GABRA1: variants seen among roughly 807,000 people sequenced by gnomAD.
GABRA1 encodes gamma-aminobutyric acid type A receptor subunit alpha1, also known as gamma-aminobutyric acid receptor subunit alpha-1.
In GABRA1, 9 loss-of-function variants were observed where a neutral mutation model predicts 48.9. That is an observed-to-expected ratio of 0.18 (90% confidence interval 0.11 to 0.32). The LOEUF is 0.32. Among genes scored for constraint, GABRA1 ranks in the 10% least tolerant of loss-of-function variants. The probability of loss-of-function intolerance (pLI) is 1.00; values close to 1 mark genes in which losing one functional copy is unlikely to be tolerated. For synonymous variants in GABRA1, 210 were observed against 198.7 expected, an observed-to-expected ratio of 1.06 and a Z score of -0.48; for missense variants, 285 against 553.8, an observed-to-expected ratio of 0.51 and a Z score of 4.87.
rs1358048401 is a variant in GABRA1, at chr5:161,897,242, T to C, written c.1191T>C (p.Pro397=). The stretch of plus-strand genomic sequence containing the variant: ...TTGCTAAAAGTGCAACCATAGAACC[T>C]AAAGAGGTCAAGCCCGAAACAAAAC... ...ATIAKSATIE[P]KEVKPETKPP... Residue 397 remains proline (P), a synonymous_variant, in exon 10 of 10, where the codon CCT becomes CCC. Coordinates refer to ENST00000393943, the MANE Select transcript of GABRA1 (RefSeq NM_001127644.2). 1 of 1,613,920 alleles carries C rather than the reference T, an allele frequency of 6.2e-7. No individual in the cohort carries two copies. The highest frequency in any genetic ancestry group is 8.5e-7 in the Non-Finnish European group (1 of 1,179,976).
rs1317673148 is a variant in GABRA1 at position 161,898,739 on chromosome 5, G to T, written c.*1317G>T. Reference sequence around the variant, plus strand: ...CTATTATAATATAGAAAGAAAATGGGAAGCATTAGTTGGAGCTAGAAAATG... The same window carrying T: ...CTATTATAATATAGAAAGAAAATGGTAAGCATTAGTTGGAGCTAGAAAATG... On this transcript the variant is annotated 3_prime_UTR_variant, in exon 10 of 10. Coordinates refer to ENST00000393943, the MANE Select transcript of GABRA1 (RefSeq NM_001127644.2). The T allele has an allele frequency of 1.3e-5, 2 of 152,516 alleles. 1 individual carries two copies. Among genetic ancestry groups the T allele is most frequent in the Non-Finnish European group, 2.9e-5 (2 of 67,976 alleles). 9.4% of individuals were successfully genotyped at this position (152,516 alleles called of 1,614,324 possible).
chr5:161,879,203 G>A (rs2113401807), intron 6 of GABRA1, among the ~76,000 whole-genome samples: 1 of 152,246 alleles, frequency 6.6e-6, no homozygotes, highest in African/African-American at 2.4e-5. Flanking sequence ...CAACCTTTTG[G>A]GCTCAAGTGG....
intron 3 of GABRA1, among the ~76,000 whole-genome samples, chr5:161,859,621 T>C (rs1406395360): frequency 6.6e-6 from 1 of 151,810 alleles, no homozygotes; most frequent in Non-Finnish European, 1.5e-5. Flanking sequence ...CCCGGGATGA[T>C]AAAATGCCTG....
chr5:161,858,681 A>G (rs200797248), intron 3 of GABRA1, among the ~76,000 whole-genome samples: 1 of 151,784 alleles, frequency 6.6e-6, no homozygotes, highest in East Asian at 1.9e-4. Flanking sequence ...AAAACAAATT[A>G]GGGCAGATAC....
At chr5:161,869,731 G>C (rs182900608) in intron 4 of GABRA1, among the ~76,000 whole-genome samples, 242 of 152,252 alleles carry the variant, frequency 1.6e-3, no homozygotes, top group Non-Finnish European at 2.6e-3. Flanking sequence ...ACATTCTCCA[G>C]GGACCTACAC....
chr5:161,856,728 CAT>C (rs1172209311), intron 3 of GABRA1, among the ~76,000 whole-genome samples: 10 of 150,868 alleles, frequency 6.6e-5, no homozygotes, highest in Non-Finnish European at 1.3e-4. Context: ...TAAAATGGCA[CAT>C]GTTTATTACT....
chr5:161,885,142 A>T (rs972060603), intron 7 of GABRA1, among the ~76,000 whole-genome samples: 1 of 152,182 alleles, frequency 6.6e-6, no homozygotes, highest in Non-Finnish European at 1.5e-5. Context: ...AAGAAGAACA[A>T]TGAGCAAATT....
chr5:161,848,325 C>T lies in GABRA1; in HGVS notation c.-113C>T, dbSNP rs1267898463. On this transcript the variant is annotated 5_prime_UTR_variant, in exon 1 of 10. Transcript: ENST00000393943. ...CCCTCTGCTCTGGCGCGCCCGGACT[C>T]GGACTCGCAGACTCGCGCTGGCTCC... is the stretch of plus-strand genomic sequence containing the variant. 1.3e-5 allele frequency: 2 copies of T among 152,536 alleles called. No individual in the cohort carries two copies. The highest frequency in any genetic ancestry group is 2.9e-5 in the Non-Finnish European group (2 of 68,418). The allele number at this position is 152,536 out of a possible 1,614,324, so 9.4% of individuals were successfully genotyped here. A position where few individuals can be genotyped will look rare whatever the true frequency, so the allele number is the denominator to read the frequency against.
At chr5:161,869,488 C>A (rs904140354) in intron 4 of GABRA1, among the ~76,000 whole-genome samples, 2 of 152,164 alleles carry the variant, frequency 1.3e-5, no homozygotes, top group Admixed American at 1.3e-4. Flanking sequence ...AATTCTCTAA[C>A]TTTATTTTAA....
chr5:161,848,765 T>C (rs918355890), intron 1 of GABRA1: 19 of 302,734 alleles, frequency 6.3e-5, no homozygotes, highest in African/African-American at 3.5e-4. Flanking sequence ...GCATGTTGTT[T>C]TGGTCTTTTA....
intron 4 of GABRA1, 48 bp downstream of exon 4, chr5:161,865,836 T>C: frequency 1.3e-6 from 2 of 1,522,490 alleles, no homozygotes; most frequent in Non-Finnish European, 1.8e-6. Flanking sequence ...TTTTAAAATT[T>C]AACTTTTCAA....
chr5:161,855,488 C>A (rs1024807823), intron 3 of GABRA1, among the ~76,000 whole-genome samples: 3 of 151,420 alleles, frequency 2.0e-5, no homozygotes, highest in Non-Finnish European at 4.4e-5. Flanking sequence ...ACATACTATA[C>A]AAATTTCCCC....
intron 8 of GABRA1, among the ~76,000 whole-genome samples, chr5:161,892,695 A>G (rs967485946): frequency 6.6e-6 from 1 of 151,290 alleles, no homozygotes; most frequent in East Asian, 1.9e-4. Context: ...ACAAACAAAC[A>G]AACAAAAACA....
chr5:161,863,141 AAT>A lies in GABRA1; in HGVS notation c.188-2574_188-2573del, dbSNP rs971737577. Among the ~76,000 whole-genome samples, 6 of 152,014 alleles carry A rather than the reference AAT, an allele frequency of 3.9e-5. No homozygotes were observed. In the East Asian group the frequency reaches 9.7e-4, roughly 25 times the overall value. On this transcript the variant is annotated intron_variant, in intron 3 of 9. Transcript: ENST00000393943. Reference sequence around the variant, plus strand: ...CTGTTGTCTGGGAGTTAGGGGATGTAATATATAGTATTTGTGTATATATATAT... The same window carrying A: ...CTGTTGTCTGGGAGTTAGGGGATGTAATATAGTATTTGTGTATATATATAT...
chr5:161,869,069 G>A (rs956725490), intron 4 of GABRA1, among the ~76,000 whole-genome samples: 1 of 152,124 alleles, frequency 6.6e-6, no homozygotes, highest in Non-Finnish European at 1.5e-5. Flanking sequence ...TGCTTTAGAA[G>A]ATTAATCATT....
chr5:161,868,781 T>C (rs1388236702), intron 4 of GABRA1, among the ~76,000 whole-genome samples: 2 of 152,190 alleles, frequency 1.3e-5, no homozygotes, highest in Non-Finnish European at 2.9e-5. Context: ...GAGTTATTGC[T>C]TCAGATTAAT....
intron 8 of GABRA1, among the ~76,000 whole-genome samples, chr5:161,893,048 T>TAATAATAATAATAATAAAA (rs5872733): frequency 1.4e-5 from 2 of 141,994 alleles, no homozygotes; most frequent in African/African-American, 5.2e-5. Context: ...ATAATAATAA[T>TAATAATAATAATAATAAAA]AAAATAAACA....
rs1300756882 is a variant in GABRA1 at position 161,893,036 on chromosome 5, T to A, written c.856+1986T>A. Among the ~76,000 whole-genome samples, 152 of 141,430 alleles carry A rather than the reference T, an allele frequency of 1.1e-3. 2 individuals are homozygous for A. Among genetic ancestry groups the A allele is most frequent in the African/African-American group, 3.5e-3 (135 of 38,696 alleles). The allele number at this position is 141,430 out of a possible 152,430, so 92.8% of individuals were successfully genotyped here. A position where few individuals can be genotyped will look rare whatever the true frequency, so the allele number is the denominator to read the frequency against. ...ATAATAATAATAATAATAATAATAA[T>A]AATAATAATAATAAAATAAACACAG... On this transcript the variant is annotated intron_variant, in intron 8 of 9. Transcript: ENST00000393943.
chr5:161,896,217 T>C (rs1755362003), intron 9 of GABRA1, among the ~76,000 whole-genome samples: 1 of 152,202 alleles, frequency 6.6e-6, no homozygotes, highest in African/African-American at 2.4e-5. Flanking sequence ...AAGTGCGTTA[T>C]AATTTTATAA....
Sources: gnomAD v4.1 joint callset for allele counts (sites outside exome capture counted in the v4.1 genomes callset) on GRCh38, gnomAD v4.1.1 for gene constraint, MANE v1.5 for transcripts, NCBI Gene and HGNC (gene_info 2026-07-23, HGNC 2026-07-21) for gene names.